IPO4: variants seen among roughly 807,000 people sequenced by gnomAD.
IPO4 encodes the protein importin-4.
Under a neutral mutation model 133.5 loss-of-function variants are expected in IPO4, and 91 were observed. The ratio of observed to expected loss-of-function variants is 0.68; its 90% confidence interval spans 0.58 to 0.81. The LOEUF is 0.81. IPO4 is among the 30% of genes least tolerant of loss of function. The pLI, the probability that IPO4 is intolerant of heterozygous loss-of-function variation, is 0.00. For missense variants in IPO4, 1,279 were observed against 1,386.2 expected (o/e 0.92, Z 1.23); for synonymous variants, 607 against 581.6 (o/e 1.04, Z -0.63).
At position 24,183,143 on chromosome 14, in the gene IPO4, C is replaced by A. The variant is rs372694223; in HGVS notation, c.2254G>T (p.Val752Leu). Residue 752 changes from valine to leucine, a missense_variant, in exon 23 of 30, where the codon GTG becomes TTG. By Grantham distance (32) the Val-to-Leu change is conservative. Coordinates refer to ENST00000354464, the MANE Select transcript of IPO4 (RefSeq NM_024658.4). ...AALQAALARV[V>L]PSYMQAVNRE... ...TTCACTGCCTGCATGTAGGATGGCA[C>A]GACTCGGGCCAGGGCAGCCTGCAAA... 8 of 1,613,310 alleles carry A rather than the reference C, an allele frequency of 5.0e-6. No individual in the cohort carries two copies. In the African/African-American group the frequency reaches 6.7e-5, roughly 13 times the overall value.
Position 24,183,998 on chromosome 14 carries a change from C to A in IPO4, c.1869G>T (p.Val623=). The change falls in exon 18 of 30, where the codon GTG becomes GTT. Residue 623 remains valine, a splice_region_variant and synonymous_variant. Coordinates refer to ENST00000354464, the MANE Select transcript of IPO4 (RefSeq NM_024658.4). Reference sequence around the variant, plus strand: ...CCCAGCCCACCCACCCTTTGCTCACCACAATGCCCTCGGTGGAACGCAGTG... The same window carrying A: ...CCCAGCCCACCCACCCTTTGCTCACAACAATGCCCTCGGTGGAACGCAGTG... ...LLSLRSTEGI[V]PQYDGSSSFL... is the part of the protein sequence containing the mutation. The A allele has an allele frequency of 6.3e-7, 1 of 1,582,914 alleles. No individual in the cohort carries two copies.
chr14:24,184,024 A>G lies in IPO4; in HGVS notation c.1843T>C (p.Ser615Pro), dbSNP rs2039181876. ...LEQITTLMLL[S>P]LRSTEGIVPQ... ...ACAATGCCCTCGGTGGAACGCAGTG[A>G]CAGCAGCATGAGCGTGGTGATCTGT... Residue 615 changes from serine to proline, a missense_variant, in exon 18 of 30, where the codon TCA (serine) becomes CCA (proline). By Grantham distance (74) the Ser-to-Pro change is moderately conservative (BLOSUM62 -1). This residue lies in a region of IPO4 where 575 missense variants were observed against 653.4 expected (regional missense o/e 0.88). Transcript: ENST00000354464. 1 of 1,468,832 alleles carries G rather than the reference A, an allele frequency of 6.8e-7. No individual in the cohort carries two copies. Among genetic ancestry groups the G allele is most frequent in the South Asian group, 1.1e-5 (1 of 88,834 alleles). 91.0% of individuals were successfully genotyped at this position (1,468,832 alleles called of 1,614,324 possible). A position where few individuals can be genotyped will look rare whatever the true frequency, so the allele number is the denominator to read the frequency against.
intron 6 of IPO4, 96 bp from the exon 7 acceptor site, chr14:24,187,246 G>C: frequency 6.7e-7 from 1 of 1,497,088 alleles, no homozygotes; most frequent in Non-Finnish European, 9.3e-7. Flanking sequence ...AGGAGCCCAG[G>C]CATAACAGCC....
chr14:24,183,972 G>GGGGCCCCCCCCCCCCCCC, intron 18 of IPO4, 26 bp downstream of exon 18: 1 of 1,573,300 alleles, frequency 6.4e-7, no homozygotes, highest in Non-Finnish European at 8.6e-7. Context: ...GGCAGGCCTG[G>GGGGCCCCCCCCCCCCCCC]CCCAGCCCAC....
At chr14:24,180,867 C>G (rs571956801) in intron 28 of IPO4, 109 bp from the exon 29 acceptor site, 2 of 810,848 alleles carry the variant, frequency 2.5e-6, no homozygotes, top group Non-Finnish European at 3.9e-6. Context: ...GTGGTTGCAC[C>G]TGGTACTGAT....
chr14:24,182,370 C>A lies in IPO4; in HGVS notation c.2506G>T (p.Gly836Ter), dbSNP rs1333240832. 6.2e-7 allele frequency: 1 copy of A among 1,613,242 alleles called. No individual in the cohort carries two copies. The highest frequency in any genetic ancestry group is 1.1e-5 in the South Asian group (1 of 90,970). Reference sequence around the variant, plus strand: ...GCTGCCAGGGCAGGGATGGCCTCTCCAGCGTGCTCCAGCAACATGGCGTCG... The same window carrying A: ...GCTGCCAGGGCAGGGATGGCCTCTCAAGCGTGCTCCAGCAACATGGCGTCG... ...EYDAMLLEHAGEAIPALAAAA... is the reference protein window; with the variant it reads ...EYDAMLLEHA Residue 836 changes from glycine to a stop codon, truncating the protein, a stop_gained, in exon 25 of 30, where the codon GGA becomes TGA. Coordinates refer to ENST00000354464, the MANE Select transcript of IPO4 (RefSeq NM_024658.4). LOFTEE classifies it high-confidence loss of function.
chr14:24,183,403 C>T lies in IPO4; in HGVS notation c.2122-48G>A. 4 of 1,594,262 alleles carry T rather than the reference C, an allele frequency of 2.5e-6. 1 individual carries two copies. The South Asian group carries it at 3.4e-5, about 13-fold the overall frequency. ...ATATGTCTGCTATGTGCACCGTGAA[C>T]ACAGGGCCCCCAGCCTGAGAACCCC... On this transcript the variant is annotated intron_variant, in intron 21 of 29. Coordinates refer to ENST00000354464, the MANE Select transcript of IPO4 (RefSeq NM_024658.4).
chr14:24,181,463 C>G, intron 28 of IPO4, 50 bp downstream of exon 28: 1 of 1,465,046 alleles, frequency 6.8e-7, no homozygotes, highest in Non-Finnish European at 9.4e-7. Context: ...GTGCCTATCA[C>G]TGAGTGGAGC....
At chr14:24,188,142 G>T in intron 4 of IPO4, 74 bp downstream of exon 4, 2 of 1,484,446 alleles carry the variant, frequency 1.3e-6, no homozygotes, top group African/African-American at 1.4e-5. Flanking sequence ...ACAAGTCCCA[G>T]CCTGGAGCCG....
intron 13 of IPO4, 50 bp from the exon 14 acceptor site, chr14:24,185,362 A>G: frequency 6.2e-7 from 1 of 1,613,614 alleles, no homozygotes; most frequent in East Asian, 2.2e-5. Context: ...TGCCGGGCAC[A>G]CACAAGAGTG....
chr14:24,183,967 G>A (rs1380437870), intron 18 of IPO4, 31 bp downstream of exon 18: 8 of 1,602,010 alleles, frequency 5.0e-6, no homozygotes, highest in South Asian at 1.1e-5. Flanking sequence ...TGCAGGGCAG[G>A]CCTGGCCCAG....
Position 24,185,462 on chromosome 14 carries a change from TA to T in IPO4, c.1274del (p.Leu425HisfsTer12). Reference protein sequence around the residue: ...LFALGQFSENLQPHISSYSRE... With the variant: ...LFALGQFSENXQPHISSYSRE... Reference sequence around the variant, plus strand: ...TCCCACATTCAGCCTGGTTCACCTGTAGGTTTTCTGAGAACTGGCCCAGGGC... The same window carrying T: ...TCCCACATTCAGCCTGGTTCACCTGTGGTTTTCTGAGAACTGGCCCAGGGC... On this transcript the variant is annotated frameshift_variant, in exon 13 of 30. Transcript: ENST00000354464. LOFTEE classifies it high-confidence loss of function. The T allele has an allele frequency of 1.2e-6, 2 of 1,614,050 alleles. No homozygotes were observed. Among genetic ancestry groups the T allele is most frequent in the Non-Finnish European group, 1.7e-6 (2 of 1,179,908 alleles).
At chr14:24,182,592 C>A (rs2138809687) in intron 24 of IPO4, 189 bp from the exon 25 acceptor site, 1 of 952,658 alleles carries the variant, frequency 1.0e-6, no homozygotes, top group East Asian at 2.4e-5. Flanking sequence ...CCTATCACTC[C>A]AAGCACACCC....
At position 24,184,040 on chromosome 14, in the gene IPO4, G is replaced by C; in HGVS notation, c.1827C>G (p.Thr609=). 1 of 1,612,598 alleles carries C rather than the reference G, an allele frequency of 6.2e-7. No homozygotes were observed. Among genetic ancestry groups the C allele is most frequent in the Non-Finnish European group, 8.5e-7 (1 of 1,179,850 alleles). The change falls in exon 18 of 30, where the codon ACC becomes ACG. Residue 609 remains threonine (T), a synonymous_variant. Coordinates refer to ENST00000354464, the MANE Select transcript of IPO4 (RefSeq NM_024658.4). ...AACGCAGTGACAGCAGCATGAGCGT[G>C]GTGATCTGTTCCAAGTGGGGCGCCA... ...EGLAPHLEQI[T]TLMLLSLRST...
Position 24,187,714 on chromosome 14 carries a change from G to A in IPO4, c.361C>T (p.Gln121Ter), listed in dbSNP as rs563788101. The A allele has an allele frequency of 2.5e-6, 4 of 1,614,246 alleles. No individual in the cohort carries two copies. The highest frequency in any genetic ancestry group is 2.7e-5 in the African/African-American group (2 of 75,068). The change falls in exon 5 of 30, where the codon CAG (glutamine) becomes TAG (stop). Residue 121 changes from glutamine (Q) to a stop codon, truncating the protein, a stop_gained. Transcript: ENST00000354464. LOFTEE classifies it high-confidence loss of function. ...CTGTGGGTACTGTGCTGAAGCAGCT[G>A]CAAAAGCTGTGGCCAGGCCTCCAAG... Reference protein sequence around the residue: ...EGLEAWPQLLQLLQHSTHSPH... With the variant: ...EGLEAWPQLL
chr14:24,180,309 GGCA>G lies in IPO4; in HGVS notation c.*130_*132del. On this transcript the variant is annotated 3_prime_UTR_variant, in exon 30 of 30. Coordinates refer to ENST00000354464, the MANE Select transcript of IPO4 (RefSeq NM_024658.4). ...TCCAGCCTCAGGGACAGCCCTGTAAGGCAGCAAGTGGGGCTGGCTCCAAATGGG... is the reference window on the plus strand; with the variant it reads ...TCCAGCCTCAGGGACAGCCCTGTAAGGCAAGTGGGGCTGGCTCCAAATGGG... 2.0e-6 allele frequency: 3 copies of G among 1,505,414 alleles called. No individual in the cohort carries two copies. The highest frequency in any genetic ancestry group is 2.7e-6 in the Non-Finnish European group (3 of 1,119,838). 93.3% of individuals were successfully genotyped at this position (1,505,414 alleles called of 1,614,324 possible).
At chr14:24,185,093 G>T in intron 14 of IPO4, 90 bp downstream of exon 14, 3 of 1,592,172 alleles carry the variant, frequency 1.9e-6, no homozygotes, top group Non-Finnish European at 2.6e-6. Context: ...CCCTACCACA[G>T]GCAGCAATGC....
At chr14:24,185,822 C>CA (rs1213015592) in intron 12 of IPO4, 39 bp downstream of exon 12, 1 of 1,498,286 alleles carries the variant, frequency 6.7e-7, no homozygotes, top group Admixed American at 1.7e-5. Flanking sequence ...ATGGTCCTCC[C>CA]TGTGGGCAAC....
chr14:24,188,016 T>A, intron 4 of IPO4, 200 bp downstream of exon 4: 1 of 771,378 alleles, frequency 1.3e-6, no homozygotes, highest in South Asian at 1.8e-5. Context: ...ATTTCAGTCT[T>A]ATTCTTCTGA....
Sources: allele counts gnomAD v4.1 joint callset, GRCh38; gene constraint gnomAD v4.1.1; regional missense constraint gnomAD v4.1.1; transcripts MANE v1.5; gene names NCBI Gene and HGNC (gene_info 2026-07-23, HGNC 2026-07-21).